The following ETV6 variants were observed in gnomAD, a reference collection of about 807,000 sequenced individuals.
ETV6 encodes ETS variant transcription factor 6, also known as transcription factor ETV6.
In ETV6, 16 loss-of-function variants were observed where a neutral mutation model predicts 51.1. The ratio of observed to expected loss-of-function variants is 0.31; its 90% CI spans 0.21 to 0.48. The LOEUF (loss-of-function observed/expected upper bound fraction) is 0.48, where lower values mean the gene tolerates loss of function less well. Ranked by LOEUF, ETV6 falls within the 20% of genes least tolerant of loss-of-function variation. The pLI, the probability that ETV6 is intolerant of heterozygous loss-of-function variation, is 0.99. For synonymous variants in ETV6, 240 were observed against 224.1 expected (o/e 1.07, Z -0.64); for missense variants, 458 against 594.8 (o/e 0.77, Z 2.39).
At chr12:11,700,748 G>A (rs1444543608) in intron 1 of ETV6, among the ~76,000 whole-genome samples, 2 of 152,156 alleles carry the variant, frequency 1.3e-5, no homozygotes, top group Non-Finnish European at 2.9e-5. Flanking sequence ...TCTTCATGTT[G>A]AGTAGGCTGA....
rs1947330118 is a variant in ETV6 at position 11,893,504 on chromosome 12, T to C, written c.*2458T>C. On this transcript the variant is annotated 3_prime_UTR_variant, in exon 8 of 8. Transcript: ENST00000396373. ...GAAATAGAAGGCGCTCATTCCAATA[T>C]AGTCTTTATTTCCCATTCAGATACA... 4.3e-6 allele frequency: 1 copy of C among 231,512 alleles called. No homozygotes were observed. Among genetic ancestry groups the C allele is most frequent in the Admixed American group, 5.6e-5 (1 of 17,704 alleles). 14.3% of individuals were successfully genotyped at this position (231,512 alleles called of 1,614,324 possible). A position where few individuals can be genotyped will look rare whatever the true frequency, so the allele number is the denominator to read the frequency against.
intron 1 of ETV6, among the ~76,000 whole-genome samples, chr12:11,744,026 C>T (rs146184830): frequency 2.3e-4 from 35 of 152,328 alleles, no homozygotes; most frequent in African/African-American, 8.4e-4. Flanking sequence ...TTGCTTTCAT[C>T]CTTTCCTTCT....
chr12:11,881,231 A>G (rs1439009809), intron 5 of ETV6, among the ~76,000 whole-genome samples: 2 of 152,228 alleles, frequency 1.3e-5, no homozygotes, highest in African/African-American at 2.4e-5. Context: ...ATTATAAGCC[A>G]CCACACCCAA....
At chr12:11,752,302 G>A (rs1349203781) in intron 1 of ETV6, 148 bp from the exon 2 acceptor site, 11 of 770,644 alleles carry the variant, frequency 1.4e-5, no homozygotes, top group Admixed American at 4.5e-5. Context: ...GTGTCTCTAC[G>A]GAGAGAGTAA....
At chr12:11,705,503 C>G (rs777439695) in intron 1 of ETV6, among the ~76,000 whole-genome samples, 1 of 152,160 alleles carries the variant, frequency 6.6e-6, no homozygotes, top group Non-Finnish European at 1.5e-5. Flanking sequence ...CTGCTTTGGA[C>G]TGTTCGACTC....
At chr12:11,694,711 C>T (rs770504613) in intron 1 of ETV6, among the ~76,000 whole-genome samples, 1 of 152,230 alleles carries the variant, frequency 6.6e-6, no homozygotes, top group Non-Finnish European at 1.5e-5. Context: ...TTCAACTCTG[C>T]AAAGTCGTAA....
At chr12:11,776,693 C>T (rs768720078) in intron 2 of ETV6, among the ~76,000 whole-genome samples, 1 of 152,092 alleles carries the variant, frequency 6.6e-6, no homozygotes, top group Non-Finnish European at 1.5e-5. Flanking sequence ...CACCAGCAGC[C>T]GCAGAACAAA....
intron 2 of ETV6, among the ~76,000 whole-genome samples, chr12:11,790,435 G>T (rs1425682533): frequency 6.6e-6 from 1 of 152,016 alleles, no homozygotes; most frequent in Non-Finnish European, 1.5e-5. Flanking sequence ...ACATTTCCTT[G>T]GGATGCCATT....
intron 2 of ETV6, among the ~76,000 whole-genome samples, chr12:11,771,205 TA>T (rs1278441014): frequency 6.6e-6 from 1 of 152,134 alleles, no homozygotes; most frequent in Non-Finnish European, 1.5e-5. Flanking sequence ...CAATAAGAGG[TA>T]GGGTAGGCAG....
chr12:11,859,118 G>GCTTTTTTTTTTTTTTTTTTT lies in ETV6; in HGVS notation c.463+5557_463+5558insCTTTTTTTTTTTTTTTTTTT, dbSNP rs1565555150. ...TAAAGAAGATGAGGTATATGAATCT[G>GCTTTTTTTTTTTTTTTTTTT]GTTTTTTTTTTTTTTTTTTTTTTTT... is the stretch of plus-strand genomic sequence containing the variant. On this transcript the variant is annotated intron_variant, in intron 4 of 7. Coordinates refer to ENST00000396373, the MANE Select transcript of ETV6 (RefSeq NM_001987.5). Among the ~76,000 whole-genome samples the GCTTTTTTTTTTTTTTTTTTT allele has an allele frequency of 1.5e-3, 61 of 41,800 alleles. 28 individuals carry two copies. Among genetic ancestry groups the GCTTTTTTTTTTTTTTTTTTT allele is most frequent in the African/African-American group, 3.3e-3 (47 of 14,398 alleles). The allele number at this position is 41,800 out of a possible 152,430, so 27.4% of individuals were successfully genotyped here.
intron 4 of ETV6, among the ~76,000 whole-genome samples, chr12:11,863,623 C>T (rs542490094): frequency 2.0e-4 from 30 of 152,290 alleles, no homozygotes; most frequent in South Asian, 4.1e-4. Flanking sequence ...CAAACCCAGA[C>T]ATCAAGGCCA....
At chr12:11,841,804 C>T (rs1183058375) in intron 3 of ETV6, among the ~76,000 whole-genome samples, 4 of 152,068 alleles carry the variant, frequency 2.6e-5, no homozygotes, top group African/African-American at 7.2e-5. Context: ...AGATGTAGGC[C>T]GGGCGCGGTG....
chr12:11,871,753 G>A (rs934573993), intron 5 of ETV6, among the ~76,000 whole-genome samples: 1 of 152,206 alleles, frequency 6.6e-6, no homozygotes, highest in Non-Finnish European at 1.5e-5. Context: ...AACAAGGCTA[G>A]CCATCACCAG....
intron 2 of ETV6, among the ~76,000 whole-genome samples, chr12:11,810,315 A>G (rs938420274): frequency 1.3e-5 from 2 of 152,192 alleles, no homozygotes; most frequent in African/African-American, 4.8e-5. Context: ...GCTCGTGTAG[A>G]AAGCCCTTGA....
At chr12:11,821,323 G>A (rs532518267) in intron 2 of ETV6, among the ~76,000 whole-genome samples, 7 of 152,212 alleles carry the variant, frequency 4.6e-5, no homozygotes, top group East Asian at 1.9e-4. Flanking sequence ...CCGAGATGGC[G>A]CCACTGCACT....
intron 1 of ETV6, among the ~76,000 whole-genome samples, chr12:11,666,214 G>A (rs550635690): frequency 6.6e-6 from 1 of 152,284 alleles, no homozygotes; most frequent in African/African-American, 2.4e-5. Context: ...CTTCTCTGAG[G>A]TCTGTGATTG....
At chr12:11,718,958 TTC>T (rs1174219886) in intron 1 of ETV6, among the ~76,000 whole-genome samples, 1 of 152,334 alleles carries the variant, frequency 6.6e-6, no homozygotes, top group African/African-American at 2.4e-5. Context: ...AGAGTCTGGG[TTC>T]TCTCTCTCCT....
intron 2 of ETV6, among the ~76,000 whole-genome samples, chr12:11,822,152 G>A (rs571280571): frequency 5.9e-5 from 9 of 152,250 alleles, no homozygotes; most frequent in Non-Finnish European, 1.3e-4. Flanking sequence ...CATGCCCTGC[G>A]CCTGATCCGG....
intron 1 of ETV6, among the ~76,000 whole-genome samples, chr12:11,725,066 A>T (rs1157014803): frequency 1.3e-5 from 2 of 151,826 alleles, no homozygotes; most frequent in Non-Finnish European, 2.9e-5. Flanking sequence ...CTTCCCCATC[A>T]GCTTCACCTT....
Sources: gnomAD v4.1 joint callset for allele counts (sites outside exome capture counted in the v4.1 genomes callset) on GRCh38, gnomAD v4.1.1 for gene constraint, MANE v1.5 for transcripts, NCBI Gene and HGNC (gene_info 2026-07-23, HGNC 2026-07-21) for gene names.